Variants in NRXN1 observed in about 807,000 individuals in gnomAD.
The protein encoded by NRXN1 is neurexin-1.
NRXN1 carries 39 observed loss-of-function variants against 150.9 expected under a neutral mutation model. The ratio of observed to expected loss-of-function variants is 0.26; its 90% CI spans 0.20 to 0.34. The LOEUF (loss-of-function observed/expected upper bound fraction) is 0.34. Among genes scored for constraint, NRXN1 ranks in the 10% least tolerant of loss-of-function variants. NRXN1 has a pLI of 1.00. For synonymous variants in NRXN1, 924 were observed against 757.0 expected (o/e 1.22, Z -3.62); for missense variants, 1,815 against 1,949.9 (o/e 0.93, Z 1.30).
At chr2:50,170,838 TA>T (rs2059988951) in intron 18 of NRXN1, among the ~76,000 whole-genome samples, 1 of 150,312 alleles carries the variant, frequency 6.7e-6, no homozygotes, top group South Asian at 2.1e-4. Context: ...GGGGTTGGGG[TA>T]CCCATACACT....
intron 19 of NRXN1, among the ~76,000 whole-genome samples, chr2:50,088,821 G>A (rs1307587287): frequency 6.6e-6 from 1 of 152,030 alleles, no homozygotes; most frequent in African/African-American, 2.4e-5. Context: ...TTGGACATTA[G>A]TCTGCTACAA....
At chr2:50,019,947 CAAAAAAAAAAA>C (rs1161865745) in intron 21 of NRXN1, among the ~76,000 whole-genome samples, 35 of 43,350 alleles carry the variant, frequency 8.1e-4, no homozygotes, top group East Asian at 6.6e-3. Flanking sequence ...GACTCCGTCT[CAAAAAAAAAAA>C]AAAAAAAAAA....
At chr2:50,286,870 C>G (rs1287669872) in intron 17 of NRXN1, among the ~76,000 whole-genome samples, 1 of 152,046 alleles carries the variant, frequency 6.6e-6, no homozygotes, top group Non-Finnish European at 1.5e-5. Flanking sequence ...ATTTTTAGCT[C>G]CTAAGATACA....
chr2:50,396,980 G>A (rs1003942205), intron 17 of NRXN1, among the ~76,000 whole-genome samples: 4 of 152,090 alleles, frequency 2.6e-5, no homozygotes, highest in African/African-American at 9.7e-5. Flanking sequence ...AAGGGAAGAA[G>A]ATAAATCTAC....
chr2:50,681,247 G>A (rs1004087769), intron 5 of NRXN1, among the ~76,000 whole-genome samples: 19 of 152,200 alleles, frequency 1.2e-4, no homozygotes, highest in African/African-American at 4.3e-4. Context: ...AAACTGTGTT[G>A]TTCTCACTTT....
chr2:50,926,027 C>T, intron 2 of NRXN1, 72 bp from the exon 3 acceptor site: 1 of 1,186,512 alleles, frequency 8.4e-7, no homozygotes, highest in Non-Finnish European at 1.2e-6. Flanking sequence ...TGGACCTTGC[C>T]TTTGCATGTC....
chr2:50,520,435 AC>A (rs2092754839), intron 12 of NRXN1, among the ~76,000 whole-genome samples: 1 of 151,948 alleles, frequency 6.6e-6, no homozygotes, highest in Admixed American at 6.6e-5. Flanking sequence ...CAAAGAAAAA[AC>A]ATTGTAGAAA....
At chr2:50,830,236 A>T (rs1489682552) in intron 5 of NRXN1, among the ~76,000 whole-genome samples, 12 of 152,054 alleles carry the variant, frequency 7.9e-5, no homozygotes, top group African/African-American at 2.7e-4. Context: ...GGTAAAAGGA[A>T]TTGAAATTTC....
intron 21 of NRXN1, among the ~76,000 whole-genome samples, chr2:49,970,870 A>G (rs2152495163): frequency 6.6e-6 from 1 of 152,222 alleles, no homozygotes; most frequent in Non-Finnish European, 1.5e-5. Context: ...GTAAAGCAAC[A>G]GAGGAATAAA....
intron 17 of NRXN1, among the ~76,000 whole-genome samples, chr2:50,434,159 G>A (rs531332644): frequency 1.4e-5 from 2 of 145,042 alleles, no homozygotes; most frequent in Admixed American, 7.2e-5. Context: ...TCCCGGGTTC[G>A]CGCCACTCTC....
chr2:50,448,001 G>T (rs2086614919), intron 17 of NRXN1, among the ~76,000 whole-genome samples: 1 of 151,648 alleles, frequency 6.6e-6, no homozygotes, highest in South Asian at 2.1e-4. Context: ...GACAACTGGG[G>T]TGTAATTATA....
At chr2:50,738,240 C>A (rs185921561) in intron 5 of NRXN1, among the ~76,000 whole-genome samples, 139 of 152,268 alleles carry the variant, frequency 9.1e-4, no homozygotes, top group African/African-American at 2.7e-3. Flanking sequence ...ATACACTGGG[C>A]AAATTTTCTC....
chr2:50,985,983 A>T (rs1697637305), intron 2 of NRXN1, among the ~76,000 whole-genome samples: 1 of 151,766 alleles, frequency 6.6e-6, no homozygotes, highest in Admixed American at 6.6e-5. Context: ...CAGAGAAATT[A>T]CAGAGAAAAT....
intron 18 of NRXN1, among the ~76,000 whole-genome samples, chr2:50,179,484 T>G (rs934067757): frequency 6.6e-6 from 1 of 152,178 alleles, no homozygotes; most frequent in Non-Finnish European, 1.5e-5. Flanking sequence ...TTAGACCCAC[T>G]GAACTTGGGA....
chr2:50,570,275 T>C lies in NRXN1; in HGVS notation c.1321-17250A>G, dbSNP rs531818848. Among the ~76,000 whole-genome samples the C allele has an allele frequency of 7.3e-5, 11 of 151,710 alleles. No individual in the cohort carries two copies. In the East Asian group the frequency reaches 2.1e-3, roughly 30 times the overall value. On this transcript the variant is annotated intron_variant, in intron 8 of 22. Coordinates refer to ENST00000401669, the MANE Select transcript of NRXN1 (RefSeq NM_001330078.2). ...AGAGTACTGGGGGCGGGGGGAAGAATCAAAGACAGAGAAATCCAGTGGAAG... is the reference window on the plus strand; with the variant it reads ...AGAGTACTGGGGGCGGGGGGAAGAACCAAAGACAGAGAAATCCAGTGGAAG...
intron 17 of NRXN1, among the ~76,000 whole-genome samples, chr2:50,408,837 ATCTCTCTCTCTCTCTCTC>A (rs10522429): frequency 9.5e-5 from 13 of 136,616 alleles, no homozygotes; most frequent in Admixed American, 1.5e-4. Flanking sequence ...ATCAATCTCA[ATCTCTCTCTCTCTCTCTC>A]TCTCTCTCTC....
At chr2:50,905,626 T>A (rs1255074896) in intron 5 of NRXN1, among the ~76,000 whole-genome samples, 1 of 152,222 alleles carries the variant, frequency 6.6e-6, no homozygotes, top group South Asian at 2.1e-4. Flanking sequence ...TTCTTTCAGG[T>A]GTCCTCTTTC....
intron 17 of NRXN1, among the ~76,000 whole-genome samples, chr2:50,394,504 G>A (rs181084823): frequency 1.5e-4 from 23 of 151,946 alleles, no homozygotes; most frequent in Non-Finnish European, 1.5e-4. Flanking sequence ...CTAATCTGTC[G>A]GCAAGTGCAG....
intron 2 of NRXN1, among the ~76,000 whole-genome samples, chr2:50,968,420 T>C (rs1694463978): frequency 6.6e-6 from 1 of 152,068 alleles, no homozygotes; most frequent in South Asian, 2.1e-4. Context: ...TGAACTCTAT[T>C]TTCTGACCAC....
Sources: allele counts gnomAD v4.1 joint callset (sites outside exome capture counted in the v4.1 genomes callset), GRCh38; gene constraint gnomAD v4.1.1; transcripts MANE v1.5; gene names NCBI Gene and HGNC (gene_info 2026-07-23, HGNC 2026-07-21).